ITCH: variants seen among roughly 807,000 people sequenced by gnomAD.
ITCH encodes E3 ubiquitin-protein ligase Itchy homolog.
ITCH carries 28 observed loss-of-function variants against 126.8 expected under a neutral mutation model. The ratio of observed to expected loss-of-function variants is 0.22; its 90% CI spans 0.16 to 0.30. The LOEUF is 0.30. Among genes scored for constraint, ITCH ranks in the 10% least tolerant of loss-of-function variants. ITCH has a pLI of 1.00. For missense variants in ITCH, 631 were observed against 1,032.4 expected, an observed-to-expected ratio of 0.61 and a Z score of 5.33; for synonymous variants, 342 against 340.0, an observed-to-expected ratio of 1.01 and a Z score of -0.06.
At chr20:34,476,297 G>A (rs1044077502) in intron 16 of ITCH, 10 of 911,050 alleles carry the variant, frequency 1.1e-5, no homozygotes, top group Admixed American at 8.8e-5. Context: ...GAGCTGCTCC[G>A]CGCCCCTGCC....
intron 7 of ITCH, among the ~76,000 whole-genome samples, chr20:34,426,538 C>T (rs947833499): frequency 3.9e-5 from 6 of 151,950 alleles, no homozygotes; most frequent in East Asian, 1.9e-4. Flanking sequence ...CTCCATCTCC[C>T]GGGTTCAAGC....
intron 12 of ITCH, among the ~76,000 whole-genome samples, chr20:34,456,268 A>G: frequency 1.0e-5 from 1 of 100,496 alleles, no homozygotes; most frequent in South Asian, 3.9e-4. Flanking sequence ...TTTGTCACCC[A>G]GGCTAGAGTG....
chr20:34,443,993 C>T (rs919854795), intron 10 of ITCH, among the ~76,000 whole-genome samples: 10 of 152,178 alleles, frequency 6.6e-5, no homozygotes, highest in Non-Finnish European at 1.3e-4. Context: ...CTCCCTGCAT[C>T]TGCCCACCAT....
intron 7 of ITCH, among the ~76,000 whole-genome samples, chr20:34,432,272 T>C (rs1982409587): frequency 6.6e-6 from 1 of 152,130 alleles, no homozygotes; most frequent in Non-Finnish European, 1.5e-5. Context: ...ATATGAATAG[T>C]TAATTCATTG....
chr20:34,404,286 A>G (rs1458374421), intron 3 of ITCH, among the ~76,000 whole-genome samples: 2 of 152,014 alleles, frequency 1.3e-5, no homozygotes, highest in African/African-American at 4.8e-5. Flanking sequence ...TTATATTTGT[A>G]ATATTATGAC....
chr20:34,498,511 C>T (rs1270652119), intron 23 of ITCH, among the ~76,000 whole-genome samples: 1 of 152,132 alleles, frequency 6.6e-6, no homozygotes, highest in African/African-American at 2.4e-5. Context: ...TCCTTCTGTG[C>T]CTAACTTGTT....
intron 7 of ITCH, among the ~76,000 whole-genome samples, chr20:34,434,957 T>C (rs989913582): frequency 6.6e-6 from 1 of 152,220 alleles, no homozygotes; most frequent in African/African-American, 2.4e-5. Context: ...TTTTAATTTT[T>C]TTCTATCTTT....
intron 1 of ITCH, among the ~76,000 whole-genome samples, chr20:34,365,025 C>T (rs956350901): frequency 6.6e-6 from 1 of 151,664 alleles, no homozygotes; most frequent in Non-Finnish European, 1.5e-5. Context: ...CATCGTGAAA[C>T]CCCGTCTCTA....
chr20:34,427,298 C>T (rs1258836776), intron 7 of ITCH, among the ~76,000 whole-genome samples: 1 of 152,050 alleles, frequency 6.6e-6, no homozygotes, highest in Non-Finnish European at 1.5e-5. Flanking sequence ...TGATTAAAAT[C>T]AATGGGGCCG....
At chr20:34,456,215 T>TATA (rs1491495119) in intron 12 of ITCH, among the ~76,000 whole-genome samples, 2 of 20,666 alleles carry the variant, frequency 9.7e-5, no homozygotes, top group African/African-American at 3.7e-4. Flanking sequence ...TATATATATA[T>TATA]TTTTTTTTTT....
At chr20:34,470,625 C>T (rs1464956003) in intron 15 of ITCH, among the ~76,000 whole-genome samples, 2 of 152,126 alleles carry the variant, frequency 1.3e-5, no homozygotes, top group African/African-American at 4.8e-5. Flanking sequence ...CAGGATCTCA[C>T]TCTGTCACCC....
intron 2 of ITCH, 93 bp from the exon 3 acceptor site, chr20:34,393,698 G>T: frequency 1.2e-6 from 1 of 813,924 alleles, no homozygotes; most frequent in South Asian, 1.3e-5. Context: ...TTTGTTACAT[G>T]GTCTTCAGTA....
intron 2 of ITCH, among the ~76,000 whole-genome samples, chr20:34,373,750 C>T (rs77692101): frequency 3.9e-5 from 6 of 152,110 alleles, no homozygotes; most frequent in Non-Finnish European, 5.9e-5. Flanking sequence ...TCGTCACTTA[C>T]AGGTTAAGAA....
At chr20:34,417,484 C>T (rs374197489) in intron 6 of ITCH, among the ~76,000 whole-genome samples, 1 of 150,694 alleles carries the variant, frequency 6.6e-6, no homozygotes, top group African/African-American at 2.4e-5. Context: ...ACTACAACCT[C>T]TGCCTCCCGG....
chr20:34,430,327 A>G (rs1267414489), intron 7 of ITCH, among the ~76,000 whole-genome samples: 1 of 152,158 alleles, frequency 6.6e-6, no homozygotes, highest in Non-Finnish European at 1.5e-5. Context: ...TGAAGTTGGG[A>G]TGATATACAA....
At chr20:34,501,533 T>C (rs537324889) in intron 23 of ITCH, among the ~76,000 whole-genome samples, 9 of 152,208 alleles carry the variant, frequency 5.9e-5, no homozygotes, top group African/African-American at 2.2e-4. Flanking sequence ...CCCAGCACTT[T>C]GGGAGGCTGA....
rs761575378 is a variant in ITCH, at chr20:34,393,832, A to G, written c.21A>G (p.Gln7=). Residue 7 remains glutamine (Q), a synonymous_variant, in exon 3 of 25, where the codon CAA becomes CAG. Transcript: ENST00000374864. ...GTGGTATGTCTGACAGTGGATCACA[A>G]CTTGGTTCAATGGGTAGCCTCACCA... MSDSGS[Q]LGSMGSLTMK... 1.7e-5 allele frequency: 27 copies of G among 1,613,910 alleles called. No individual in the cohort carries two copies. Among genetic ancestry groups the G allele is most frequent in the Admixed American group, 6.7e-5 (4 of 59,980 alleles).
intron 3 of ITCH, among the ~76,000 whole-genome samples, chr20:34,401,305 A>AT (rs889472906): frequency 1.3e-5 from 2 of 151,520 alleles, no homozygotes; most frequent in South Asian, 2.1e-4. Context: ...TGACCGGGAA[A>AT]TTTTTTTTTA....
chr20:34,504,493 A>G (rs772888781), intron 24 of ITCH, 90 bp downstream of exon 24: 1 of 870,876 alleles, frequency 1.1e-6, no homozygotes, highest in Non-Finnish European at 1.9e-6. Context: ...AATGATATTT[A>G]GTAGATTTAC....
Sources: gnomAD v4.1 joint callset for allele counts (sites outside exome capture counted in the v4.1 genomes callset) on GRCh38, gnomAD v4.1.1 for gene constraint, MANE v1.5 for transcripts, NCBI Gene and HGNC (gene_info 2026-07-23, HGNC 2026-07-21) for gene names.